Variants in PAPPA2 observed in about 807,000 individuals in gnomAD.
PAPPA2 encodes the protein pappalysin-2.
PAPPA2 carries 86 observed loss-of-function variants against 176.4 expected under a neutral mutation model. The ratio of observed to expected loss-of-function variants is 0.49; its 90% CI spans 0.41 to 0.58. The LOEUF is 0.58. Ranked by LOEUF, PAPPA2 falls within the 20% of genes least tolerant of loss-of-function variation. The pLI is 0.00. For synonymous variants in PAPPA2, 809 were observed against 852.2 expected (o/e 0.95, Z 0.88); for missense variants, 2,073 against 2,256.9 (o/e 0.92, Z 1.65).
chr1:176,706,107 G>GAGCTACTT (rs1045424759), intron 9 of PAPPA2, among the ~76,000 whole-genome samples: 2 of 152,110 alleles, frequency 1.3e-5, no homozygotes, highest in African/African-American at 4.8e-5. Context: ...TCTGAGCCAT[G>GAGCTACTT]AGCTACTTAA....
At chr1:176,772,136 G>A (rs1462818763) in intron 17 of PAPPA2, among the ~76,000 whole-genome samples, 3 of 152,150 alleles carry the variant, frequency 2.0e-5, no homozygotes, top group Non-Finnish European at 4.4e-5. Context: ...CTTTTTCTGA[G>A]TGAACGAAAA....
At chr1:176,756,692 C>CT (rs1663436979) in intron 14 of PAPPA2, among the ~76,000 whole-genome samples, 1 of 152,004 alleles carries the variant, frequency 6.6e-6, no homozygotes, top group Admixed American at 6.6e-5. Flanking sequence ...GACAGGGGCC[C>CT]TGTAGATAAG....
intron 1 of PAPPA2, among the ~76,000 whole-genome samples, chr1:176,486,552 G>A (rs1269584060): frequency 3.3e-5 from 5 of 152,156 alleles, no homozygotes; most frequent in African/African-American, 1.2e-4. Context: ...ATGAAATTAA[G>A]AAAGACTTCA....
intron 1 of PAPPA2, among the ~76,000 whole-genome samples, chr1:176,466,704 T>C (rs1021877430): frequency 2.0e-5 from 3 of 152,236 alleles, no homozygotes; most frequent in Non-Finnish European, 2.9e-5. Flanking sequence ...CAATGTGGTT[T>C]GCCATGGGCT....
intron 1 of PAPPA2, among the ~76,000 whole-genome samples, chr1:176,477,990 A>T (rs1032118661): frequency 1.3e-5 from 2 of 152,164 alleles, no homozygotes; most frequent in Non-Finnish European, 2.9e-5. Flanking sequence ...AAGCCATGGG[A>T]CAATTATGGA....
intron 14 of PAPPA2, among the ~76,000 whole-genome samples, chr1:176,750,206 G>A (rs1399212851): frequency 6.6e-6 from 1 of 151,606 alleles, no homozygotes; most frequent in Non-Finnish European, 1.5e-5. Context: ...TGAACATGTA[G>A]ATTAAGAGTA....
chr1:176,645,672 T>G (rs2102734537), intron 3 of PAPPA2, among the ~76,000 whole-genome samples: 1 of 151,874 alleles, frequency 6.6e-6, no homozygotes, highest in East Asian at 1.9e-4. Flanking sequence ...ATTCGTATAG[T>G]TTTTCATAAT....
chr1:176,587,601 G>A (rs945131699), intron 2 of PAPPA2, among the ~76,000 whole-genome samples: 1 of 152,182 alleles, frequency 6.6e-6, no homozygotes, highest in Non-Finnish European at 1.5e-5. Flanking sequence ...GGTTGTAGAT[G>A]TGTGGTGTGA....
intron 1 of PAPPA2, among the ~76,000 whole-genome samples, chr1:176,519,670 A>G (rs1025824782): frequency 2.6e-5 from 4 of 152,224 alleles, no homozygotes; most frequent in Admixed American, 6.5e-5. Flanking sequence ...CCCAGGAAGT[A>G]GAAACAACAT....
At chr1:176,577,769 G>A (rs543396772) in intron 2 of PAPPA2, among the ~76,000 whole-genome samples, 5 of 152,004 alleles carry the variant, frequency 3.3e-5, no homozygotes, top group African/African-American at 9.7e-5. Context: ...TGTGTGGGAC[G>A]GCTACAGGCA....
At chr1:176,647,475 G>A (rs2102737370) in intron 3 of PAPPA2, among the ~76,000 whole-genome samples, 1 of 151,608 alleles carries the variant, frequency 6.6e-6, no homozygotes, top group Non-Finnish European at 1.5e-5. Context: ...TGTGACTCAA[G>A]AAATCTTAGC....
At chr1:176,763,010 G>T (rs1175700201) in intron 14 of PAPPA2, among the ~76,000 whole-genome samples, 1 of 152,200 alleles carries the variant, frequency 6.6e-6, no homozygotes, top group Non-Finnish European at 1.5e-5. Flanking sequence ...AAGGGCATAA[G>T]AGCAGGGTCA....
intron 14 of PAPPA2, among the ~76,000 whole-genome samples, chr1:176,748,764 C>T (rs1663032642): frequency 6.6e-6 from 1 of 152,012 alleles, no homozygotes; most frequent in Non-Finnish European, 1.5e-5. Flanking sequence ...TTATAATTGC[C>T]TACAGTATTT....
At chr1:176,773,604 G>T (rs759365399) in intron 17 of PAPPA2, among the ~76,000 whole-genome samples, 1 of 152,178 alleles carries the variant, frequency 6.6e-6, no homozygotes, top group Non-Finnish European at 1.5e-5. Context: ...CTCAGTTTTT[G>T]CATCTATAAT....
At chr1:176,770,813 C>T (rs189905134) in intron 16 of PAPPA2, among the ~76,000 whole-genome samples, 154 bp from the exon 17 acceptor site, 1 of 152,164 alleles carries the variant, frequency 6.6e-6, no homozygotes, top group African/African-American at 2.4e-5. Context: ...GTAGGACTAA[C>T]ATTTGATGTG....
chr1:176,647,990 AT>A (rs1418510538), intron 3 of PAPPA2, among the ~76,000 whole-genome samples: 2 of 151,560 alleles, frequency 1.3e-5, no homozygotes, highest in Non-Finnish European at 3.0e-5. Flanking sequence ...TGTCATTGGT[AT>A]TTTGGTAGAA....
At chr1:176,690,013 G>T in intron 4 of PAPPA2, 124 bp from the exon 5 acceptor site, 1 of 864,116 alleles carries the variant, frequency 1.2e-6, no homozygotes, top group Non-Finnish European at 1.8e-6. Context: ...TATGTTACCA[G>T]AAGTTATAAA....
At chr1:176,783,986 T>C (rs550706911) in intron 17 of PAPPA2, among the ~76,000 whole-genome samples, 40 of 152,354 alleles carry the variant, frequency 2.6e-4, no homozygotes, top group African/African-American at 9.1e-4. Flanking sequence ...CACATGTAAG[T>C]TGGAAATCAT....
chr1:176,677,712 T>C (rs1376428208), intron 4 of PAPPA2, among the ~76,000 whole-genome samples: 3 of 152,140 alleles, frequency 2.0e-5, no homozygotes, highest in African/African-American at 7.2e-5. Context: ...ACCATACTCA[T>C]TGTCATCGAT....
Sources: gnomAD v4.1 joint callset for allele counts (sites outside exome capture counted in the v4.1 genomes callset) on GRCh38, gnomAD v4.1.1 for gene constraint, MANE v1.5 for transcripts, NCBI Gene and HGNC (gene_info 2026-07-23, HGNC 2026-07-21) for gene names.